AK5: variants seen among roughly 807,000 people sequenced by gnomAD.
AK5 encodes adenylate kinase 5.
A neutral mutation model predicts 69.5 loss-of-function variants in AK5; 27 were observed. That is an observed-to-expected ratio of 0.39 (90% CI 0.29 to 0.54). The LOEUF (loss-of-function observed/expected upper bound fraction) is 0.54, where lower values mean the gene tolerates loss of function less well. Ranked by LOEUF, AK5 falls within the 20% of genes least tolerant of loss-of-function variation. AK5 has a pLI of 0.71. For missense variants in AK5, 531 were observed against 700.4 expected (o/e 0.76, Z 2.73); for synonymous variants, 260 against 244.4 (o/e 1.06, Z -0.60).
chr1:77,438,474 G>T (rs1386464383), intron 8 of AK5, among the ~76,000 whole-genome samples: 1 of 152,082 alleles, frequency 6.6e-6, no homozygotes, highest in Admixed American at 6.6e-5. Context: ...TCTCTTGAGA[G>T]AAAAGAAATC....
intron 6 of AK5, among the ~76,000 whole-genome samples, chr1:77,358,747 C>T (rs1350254261): frequency 6.6e-6 from 1 of 151,000 alleles, no homozygotes; most frequent in Non-Finnish European, 1.5e-5. Context: ...TTTTTCTTAC[C>T]TCAGACAAAA....
At chr1:77,497,999 G>A (rs901444714) in intron 10 of AK5, among the ~76,000 whole-genome samples, 2 of 152,200 alleles carry the variant, frequency 1.3e-5, no homozygotes, top group African/African-American at 4.8e-5. Flanking sequence ...AGACACAGAT[G>A]TGAAGCCATG....
rs181534212 is a variant in AK5, at chr1:77,301,724, T to C, written c.699+3777T>C. Among the ~76,000 whole-genome samples, 12 of 152,314 alleles carry C rather than the reference T, an allele frequency of 7.9e-5. No homozygotes were observed. In the East Asian group the frequency reaches 2.3e-3, roughly 29 times the overall value. ...TGAACTTCATGTTATCTTCCTTGTC[T>C]ACCACTAATAAAGAGTGGAGGAGCA... On this transcript the variant is annotated intron_variant, in intron 5 of 13. Coordinates refer to ENST00000354567, the MANE Select transcript of AK5 (RefSeq NM_174858.3).
chr1:77,477,017 T>TGC (rs1159143442), intron 8 of AK5, among the ~76,000 whole-genome samples: 3 of 151,098 alleles, frequency 2.0e-5, no homozygotes, highest in African/African-American at 7.3e-5. Context: ...TGTGTGTGTG[T>TGC]GTGTGTGTGT....
At chr1:77,472,864 T>C (rs1382385454) in intron 8 of AK5, among the ~76,000 whole-genome samples, 1 of 152,196 alleles carries the variant, frequency 6.6e-6, no homozygotes, top group Non-Finnish European at 1.5e-5. Flanking sequence ...ATCCCTTGGC[T>C]TGTGGCTCCT....
chr1:77,333,138 T>C, intron 5 of AK5, among the ~76,000 whole-genome samples: 1 of 152,212 alleles, frequency 6.6e-6, no homozygotes, highest in East Asian at 1.9e-4. Flanking sequence ...TGTTGTTTAG[T>C]GTCTTCATGG....
chr1:77,401,410 T>C (rs1201644296), intron 6 of AK5, among the ~76,000 whole-genome samples: 1 of 152,162 alleles, frequency 6.6e-6, no homozygotes. Context: ...ATCTCTTGCA[T>C]GAATCAAGGG....
At chr1:77,492,208 T>C (rs1656045226) in intron 10 of AK5, among the ~76,000 whole-genome samples, 1 of 151,794 alleles carries the variant, frequency 6.6e-6, no homozygotes, top group South Asian at 2.1e-4. Flanking sequence ...AAATGATGTG[T>C]GCTTAAGGGT....
intron 8 of AK5, among the ~76,000 whole-genome samples, chr1:77,477,407 C>T (rs779798060): frequency 6.6e-6 from 1 of 152,102 alleles, no homozygotes; most frequent in East Asian, 1.9e-4. Context: ...AGAACTTACA[C>T]GATATTTTTT....
intron 5 of AK5, among the ~76,000 whole-genome samples, chr1:77,309,601 TC>T: frequency 6.6e-6 from 1 of 152,320 alleles, no homozygotes; most frequent in Admixed American, 6.5e-5. Context: ...TAGTGAACTT[TC>T]ATGTTGCTTT....
intron 12 of AK5, among the ~76,000 whole-genome samples, chr1:77,525,119 G>A (rs1267540781): frequency 8.5e-5 from 13 of 152,192 alleles, no homozygotes; most frequent in Non-Finnish European, 1.5e-5. Flanking sequence ...ATGTTGCCCA[G>A]GCTTGTGTTG....
At chr1:77,470,842 TATATATATATATATATATATA>T (rs1654419331) in intron 8 of AK5, among the ~76,000 whole-genome samples, 1 of 1,052 alleles carries the variant, frequency 9.5e-4, no homozygotes, top group African/African-American at 1.9e-3. Flanking sequence ...TATATATATA[TATATATATATATATATATATA>T]TATATATATA....
At chr1:77,355,866 AATAC>A (rs1048984283) in intron 6 of AK5, among the ~76,000 whole-genome samples, 4 of 77,924 alleles carry the variant, frequency 5.1e-5, no homozygotes, top group African/African-American at 2.1e-4. Flanking sequence ...ACCCTCATTA[AATAC>A]ACACACACAC....
At chr1:77,484,431 T>C (rs1655462669) in intron 9 of AK5, among the ~76,000 whole-genome samples, 1 of 152,182 alleles carries the variant, frequency 6.6e-6, no homozygotes, top group African/African-American at 2.4e-5. Flanking sequence ...CCTGCACAGA[T>C]CCATGAGCAC....
intron 8 of AK5, among the ~76,000 whole-genome samples, chr1:77,476,140 C>A (rs1654923935): frequency 6.6e-6 from 1 of 152,080 alleles, no homozygotes; most frequent in Non-Finnish European, 1.5e-5. Context: ...ACATTTTTTT[C>A]AACTCTGTTT....
chr1:77,488,699 A>G (rs1484938983), intron 10 of AK5, among the ~76,000 whole-genome samples: 2 of 152,200 alleles, frequency 1.3e-5, no homozygotes, highest in Non-Finnish European at 1.5e-5. Flanking sequence ...TGGGGGAAAC[A>G]TGCAGGCTGA....
At chr1:77,362,120 A>C (rs753724584) in intron 6 of AK5, among the ~76,000 whole-genome samples, 2 of 152,206 alleles carry the variant, frequency 1.3e-5, no homozygotes, top group Non-Finnish European at 2.9e-5. Context: ...CCAGGTTCTT[A>C]GGAAATAAAT....
At chr1:77,419,906 G>A (rs1650695895) in intron 8 of AK5, among the ~76,000 whole-genome samples, 1 of 152,084 alleles carries the variant, frequency 6.6e-6, no homozygotes, top group Non-Finnish European at 1.5e-5. Context: ...GTCCTGAGCA[G>A]GATTTTTTTT....
intron 10 of AK5, among the ~76,000 whole-genome samples, chr1:77,515,366 G>A (rs139400279): frequency 7.6e-4 from 116 of 152,268 alleles, no homozygotes; most frequent in African/African-American, 2.7e-3. Flanking sequence ...GTTGCCAACC[G>A]CACAAAGAAA....
Sources: allele counts gnomAD v4.1 joint callset (sites outside exome capture counted in the v4.1 genomes callset), GRCh38; gene constraint gnomAD v4.1.1; transcripts MANE v1.5; gene names NCBI Gene and HGNC (gene_info 2026-07-23, HGNC 2026-07-21).